FNBP4: variants seen among roughly 807,000 people sequenced by gnomAD.
FNBP4 encodes formin binding protein 4.
FNBP4 carries 34 observed loss-of-function variants against 119.3 expected under a neutral mutation model. The ratio of observed to expected loss-of-function variants is 0.28; its 90% CI spans 0.22 to 0.38. The LOEUF is 0.38. Ranked by LOEUF, FNBP4 falls within the 10% of genes least tolerant of loss-of-function variation. The pLI is 1.00. For synonymous variants in FNBP4, 462 were observed against 430.6 expected (o/e 1.07, Z -0.90); for missense variants, 1,112 against 1,228.9 (o/e 0.90, Z 1.42).
intron 8 of FNBP4, among the ~76,000 whole-genome samples, chr11:47,737,555 T>C (rs1372472622): frequency 6.6e-6 from 1 of 151,932 alleles, no homozygotes. Flanking sequence ...TCCTCCCACC[T>C]CAGCCTCCCA....
intron 15 of FNBP4, 28 bp downstream of exon 15, chr11:47,722,948 A>C: frequency 6.8e-7 from 1 of 1,467,686 alleles, no homozygotes; most frequent in South Asian, 1.4e-5. Flanking sequence ...TTTAAAAATA[A>C]ATTTTTAAAA....
In FNBP4 at chr11:47,760,253, T is replaced by C. The variant is rs531424136; in HGVS notation, c.313+5017A>G. On this transcript the variant is annotated intron_variant, in intron 2 of 16. Coordinates refer to ENST00000263773, the MANE Select transcript of FNBP4 (RefSeq NM_015308.5). The stretch of plus-strand genomic sequence containing the variant: ...AATTCAGAGAGACATCATAAATTGA[T>C]CAAACATTTTTTTTTTTTTTTTTTT... Among the ~76,000 whole-genome samples, 6 of 144,996 alleles carry C rather than the reference T, an allele frequency of 4.1e-5. No homozygotes were observed. In the South Asian group the frequency reaches 1.4e-3, roughly 33 times the overall value.
Position 47,752,977 on chromosome 11 carries a change from A to G in FNBP4, c.576T>C (p.Asn192=). 6.2e-7 allele frequency: 1 copy of G among 1,614,150 alleles called. No homozygotes were observed. Among genetic ancestry groups the G allele is most frequent in the Non-Finnish European group, 8.5e-7 (1 of 1,180,024 alleles). Reference sequence around the variant, plus strand: ...CAGATGTTTGGGTGGAGTCTGTTCCATTTGAAGTAGAAGAAGAAAGGGTAG... The same window carrying G: ...CAGATGTTTGGGTGGAGTCTGTTCCGTTTGAAGTAGAAGAAGAAAGGGTAG... ...ATSTLSSSTS[N]GTDSTQTSGW... is the part of the protein sequence containing the mutation. Residue 192 remains asparagine, a synonymous_variant, in exon 4 of 17, where the codon AAT becomes AAC. Coordinates refer to ENST00000263773, the MANE Select transcript of FNBP4 (RefSeq NM_015308.5).
At chr11:47,741,899 T>C (rs941497877) in intron 8 of FNBP4, among the ~76,000 whole-genome samples, 2 of 152,210 alleles carry the variant, frequency 1.3e-5, no homozygotes, top group Admixed American at 6.5e-5. Flanking sequence ...AGGGTTTTTT[T>C]TCATAGCACA....
intron 1 of FNBP4, among the ~76,000 whole-genome samples, chr11:47,766,625 G>A (rs2097648237): frequency 6.6e-6 from 1 of 152,204 alleles, no homozygotes; most frequent in Non-Finnish European, 1.5e-5. Flanking sequence ...CTTACTAGCT[G>A]GAATATTAAG....
chr11:47,767,007 G>T (rs1191734863), intron 1 of FNBP4, 62 bp downstream of exon 1: 6 of 1,489,554 alleles, frequency 4.0e-6, no homozygotes, highest in Non-Finnish European at 5.3e-6. Context: ...CTGGCCAGGC[G>T]CCGTGAGGAG....
At chr11:47,728,346 T>C (rs2097563494) in intron 12 of FNBP4, among the ~76,000 whole-genome samples, 1 of 150,344 alleles carries the variant, frequency 6.7e-6, no homozygotes. Context: ...GCCTCCTGGG[T>C]TCAAGCGATT....
chr11:47,748,697 T>A (rs1450158987), intron 6 of FNBP4, among the ~76,000 whole-genome samples: 3 of 152,088 alleles, frequency 2.0e-5, no homozygotes, highest in Non-Finnish European at 4.4e-5. Flanking sequence ...TCACCCAGGC[T>A]GGAGTGCAGT....
intron 8 of FNBP4, among the ~76,000 whole-genome samples, chr11:47,741,576 G>A (rs1158102781): frequency 2.0e-5 from 3 of 151,730 alleles, no homozygotes; most frequent in African/African-American, 7.3e-5. Context: ...CCAGCACTTT[G>A]GGAGGCTGAG....
intron 8 of FNBP4, among the ~76,000 whole-genome samples, chr11:47,740,176 A>G (rs971191260): frequency 6.6e-6 from 1 of 151,844 alleles, no homozygotes; most frequent in Admixed American, 6.6e-5. Context: ...GCACTTTGGG[A>G]GGCAGAGACG....
At chr11:47,733,097 G>A (rs556105425) in intron 10 of FNBP4, among the ~76,000 whole-genome samples, 6 of 152,292 alleles carry the variant, frequency 3.9e-5, no homozygotes, top group African/African-American at 9.6e-5. Context: ...CAGCCTGGGC[G>A]ACAAGAGTGA....
chr11:47,729,617 T>G (rs1177426985), intron 12 of FNBP4: 2 of 944,196 alleles, frequency 2.1e-6, no homozygotes, highest in Non-Finnish European at 2.5e-6. Context: ...TCAACCAATC[T>G]TCCCACCTCA....
In FNBP4 at chr11:47,722,990, CTTTT is replaced by C. The variant is rs1198539046; in HGVS notation, c.2787_2790del (p.Lys930GlufsTer17). ...ATTTATTATACCTTGTCTTTCCTTC[CTTTT>C]TTTGTCTTTTCAGGTGGTGGCATTT... On this transcript the variant is annotated frameshift_variant, in exon 15 of 17. Coordinates refer to ENST00000263773, the MANE Select transcript of FNBP4 (RefSeq NM_015308.5). LOFTEE classifies it high-confidence loss of function. The C allele has an allele frequency of 3.3e-6, 5 of 1,533,712 alleles. No individual in the cohort carries two copies.
At chr11:47,738,633 CCTT>C (rs2097577407) in intron 8 of FNBP4, among the ~76,000 whole-genome samples, 2 of 152,082 alleles carry the variant, frequency 1.3e-5, no homozygotes, top group African/African-American at 2.4e-5. Flanking sequence ...TTTGGGTAAT[CCTT>C]CATCTTCAGG....
Position 47,723,205 on chromosome 11 carries a change from T to C in FNBP4, c.2576A>G (p.Gln859Arg). The C allele has an allele frequency of 6.2e-7, 1 of 1,614,202 alleles. No homozygotes were observed. ...MGHQARGMSL[Q>R]SNYLGLAAAP... Reference sequence around the variant, plus strand: ...TGCCGCTAGTCCAAGGTAATTTGACTGCAGGCTCATTCCTCTGGCCTGATG... The same window carrying C: ...TGCCGCTAGTCCAAGGTAATTTGACCGCAGGCTCATTCCTCTGGCCTGATG... Residue 859 changes from glutamine (Q) to arginine (R), a missense_variant, in exon 15 of 17, where the codon CAG (glutamine) becomes CGG (arginine). Coordinates refer to ENST00000263773, the MANE Select transcript of FNBP4 (RefSeq NM_015308.5).
intron 3 of FNBP4, 98 bp from the exon 4 acceptor site, chr11:47,753,200 C>T: frequency 1.1e-6 from 1 of 872,978 alleles, no homozygotes; most frequent in Non-Finnish European, 1.7e-6. Flanking sequence ...ATGAGCCGGG[C>T]ACAGTGGCTC....
In FNBP4 at chr11:47,746,104, T is replaced by G. The variant is rs1308009261; in HGVS notation, c.1197A>C (p.Glu399Asp). ...CCAGTTCAAGGGTATCTTGTTCCTC[T>G]TCCTCCTCACTTTCTCCAGATTGGA... The part of the protein sequence containing the change: ...SVVQSGESEE[E>D]EEQDTLELEL... Residue 399 changes from glutamate to aspartate, a missense_variant, in exon 7 of 17, where the codon GAA becomes GAC. Around this residue, in one of 2 missense-constraint regions of FNBP4, gnomAD observed 826 missense variants for 988.8 expected, o/e 0.84. Coordinates refer to ENST00000263773, the MANE Select transcript of FNBP4 (RefSeq NM_015308.5). The G allele has an allele frequency of 2.0e-5, 32 of 1,611,162 alleles. No individual in the cohort carries two copies. Among genetic ancestry groups the G allele is most frequent in the Non-Finnish European group, 2.7e-5 (32 of 1,179,394 alleles).
intron 12 of FNBP4, chr11:47,729,468 T>G: frequency 1.0e-6 from 1 of 985,366 alleles, no homozygotes; most frequent in Middle Eastern, 5.2e-4. Flanking sequence ...AAATAGAACT[T>G]TGAAACTTCT....
intron 9 of FNBP4, among the ~76,000 whole-genome samples, chr11:47,736,330 G>A (rs1359789487): frequency 6.6e-6 from 1 of 152,092 alleles, no homozygotes. Context: ...GCCAAGGTGG[G>A]GGAATCATGA....
Sources: allele counts gnomAD v4.1 joint callset (sites outside exome capture counted in the v4.1 genomes callset), GRCh38; gene constraint gnomAD v4.1.1; regional missense constraint gnomAD v4.1.1; transcripts MANE v1.5; gene names NCBI Gene and HGNC (gene_info 2026-07-23, HGNC 2026-07-21).